The following GAS7 variants were observed in gnomAD, a reference collection of about 807,000 sequenced individuals.
GAS7 encodes the protein growth arrest-specific protein 7.
In GAS7, 28 loss-of-function variants were observed where a neutral mutation model predicts 71.1. The ratio of observed to expected loss-of-function variants is 0.39; its 90% confidence interval spans 0.29 to 0.54. The LOEUF (loss-of-function observed/expected upper bound fraction) is 0.54. Ranked by LOEUF, GAS7 falls within the 20% of genes least tolerant of loss-of-function variation. The pLI is 0.62. For synonymous variants in GAS7, 258 were observed against 245.8 expected (o/e 1.05, Z -0.46); for missense variants, 436 against 627.8 (o/e 0.69, Z 3.27).
At chr17:10,042,553 CCTGACTCCTAAAATTCGGAAG>C (rs2072888372) in intron 1 of GAS7, among the ~76,000 whole-genome samples, 2 of 152,070 alleles carry the variant, frequency 1.3e-5, no homozygotes, top group Admixed American at 6.5e-5. Flanking sequence ...GTATGTAGGA[CCTGACTCCTAAAATTCGGAAG>C]CTAAGTCGCA....
intron 1 of GAS7, among the ~76,000 whole-genome samples, chr17:10,163,670 T>C (rs2074272495): frequency 6.6e-6 from 1 of 152,106 alleles, no homozygotes; most frequent in Admixed American, 6.5e-5. Context: ...ATACTTTGAG[T>C]GCTGACAAGC....
At chr17:10,160,240 T>TC (rs1205344044) in intron 1 of GAS7, among the ~76,000 whole-genome samples, 1 of 152,086 alleles carries the variant, frequency 6.6e-6, no homozygotes, top group African/African-American at 2.4e-5. Flanking sequence ...AGGTTACACT[T>TC]CAACTTAAAA....
rs1464536650 is a variant in GAS7 at position 9,915,364 on chromosome 17, T to A, written c.*1864A>T. 4 of 231,086 alleles carry A rather than the reference T, an allele frequency of 1.7e-5. No individual in the cohort carries two copies. The East Asian group carries it at 2.5e-4, about 14-fold the overall frequency. 14.3% of individuals were successfully genotyped at this position (231,086 alleles called of 1,614,324 possible). On this transcript the variant is annotated 3_prime_UTR_variant, in exon 14 of 14. Coordinates refer to ENST00000432992, the MANE Select transcript of GAS7 (RefSeq NM_201433.2). ...AATTACCACTAGCACCCATTTTTCA[T>A]AAAGAAACCAAGAAATAATATTCTA...
At chr17:10,039,407 G>A (rs528881261) in intron 1 of GAS7, among the ~76,000 whole-genome samples, 1 of 152,206 alleles carries the variant, frequency 6.6e-6, no homozygotes, top group East Asian at 1.9e-4. Context: ...TGGGACCAGG[G>A]ACGGTGGCTC....
At chr17:10,134,172 A>G (rs373035936) in intron 1 of GAS7, among the ~76,000 whole-genome samples, 3 of 152,084 alleles carry the variant, frequency 2.0e-5, no homozygotes, top group African/African-American at 4.8e-5. Context: ...CTGGGACTAC[A>G]GGCACCATCC....
At chr17:9,945,000 A>G (rs1040048810) in intron 6 of GAS7, among the ~76,000 whole-genome samples, 1 of 152,138 alleles carries the variant, frequency 6.6e-6, no homozygotes, top group Admixed American at 6.6e-5. Context: ...CAGAGTCCCC[A>G]GAGAGCTCGA....
chr17:10,135,291 G>A (rs1022838316), intron 1 of GAS7, among the ~76,000 whole-genome samples: 1 of 152,166 alleles, frequency 6.6e-6, no homozygotes, highest in African/African-American at 2.4e-5. Context: ...GCAGTGGTGG[G>A]TGTGTGTTTT....
In GAS7 at chr17:9,954,557, G is replaced by C. The variant is rs1038148991; in HGVS notation, c.525+4645C>G. On this transcript the variant is annotated intron_variant, in intron 5 of 13. Coordinates refer to ENST00000432992, the MANE Select transcript of GAS7 (RefSeq NM_201433.2). ...TAGAAGAAGCCTGGGATACTCTACA[G>C]GTAGCCCTTGACAGCACCATGAAGT... 3.9e-5 allele frequency among the ~76,000 whole-genome samples: 6 copies of C among 152,116 alleles called. 1 individual carries two copies. Among genetic ancestry groups the C allele is most frequent in the Non-Finnish European group, 7.4e-5 (5 of 68,022 alleles).
chr17:10,020,543 C>T (rs1001135899), intron 1 of GAS7, among the ~76,000 whole-genome samples: 3 of 151,830 alleles, frequency 2.0e-5, no homozygotes, highest in South Asian at 2.1e-4. Context: ...AATTACTTTT[C>T]GTTAAAAAAC....
intron 1 of GAS7, among the ~76,000 whole-genome samples, chr17:10,067,509 G>A (rs1472291653): frequency 1.3e-5 from 2 of 152,080 alleles, no homozygotes; most frequent in East Asian, 3.9e-4. Context: ...CAAAGTGCTG[G>A]GATTACAAGT....
chr17:9,993,347 G>A (rs1197536581), intron 2 of GAS7, among the ~76,000 whole-genome samples: 1 of 152,152 alleles, frequency 6.6e-6, no homozygotes, highest in Non-Finnish European at 1.5e-5. Context: ...GCATTTCTCT[G>A]ATGGCCAGTG....
intron 8 of GAS7, among the ~76,000 whole-genome samples, chr17:9,938,931 C>T (rs1484100777): frequency 6.6e-6 from 1 of 152,218 alleles, no homozygotes. Context: ...GGCTCATCCA[C>T]ACAGTAGCAT....
intron 7 of GAS7, among the ~76,000 whole-genome samples, chr17:9,940,730 G>A (rs892408658): frequency 3.3e-5 from 5 of 152,208 alleles, no homozygotes; most frequent in South Asian, 2.1e-4. Flanking sequence ...CGGAAACCTA[G>A]CAGTGCCCAG....
intron 1 of GAS7, among the ~76,000 whole-genome samples, chr17:10,084,223 A>G (rs577526807): frequency 9.2e-5 from 14 of 152,266 alleles, no homozygotes; most frequent in African/African-American, 3.4e-4. Flanking sequence ...TCAATGGCCT[A>G]TATTGGTGGG....
chr17:10,084,335 C>G (rs565141575), intron 1 of GAS7, among the ~76,000 whole-genome samples: 13 of 152,190 alleles, frequency 8.5e-5, no homozygotes, highest in African/African-American at 3.1e-4. Context: ...CATAGTGGTC[C>G]TATTAGAAGT....
intron 2 of GAS7, among the ~76,000 whole-genome samples, chr17:10,006,817 A>T (rs1256929030): frequency 6.6e-5 from 10 of 152,224 alleles, no homozygotes; most frequent in Non-Finnish European, 1.0e-4. Context: ...TACACAAGTC[A>T]GCCACGCTGA....
intron 1 of GAS7, among the ~76,000 whole-genome samples, chr17:10,105,312 C>A (rs1187459358): frequency 6.6e-6 from 1 of 152,076 alleles, no homozygotes; most frequent in Non-Finnish European, 1.5e-5. Flanking sequence ...CAAACACCGG[C>A]CCCTCCTCTG....
At chr17:9,924,065 A>G (rs530091194) in intron 11 of GAS7, among the ~76,000 whole-genome samples, 1 of 152,386 alleles carries the variant, frequency 6.6e-6, no homozygotes, top group East Asian at 1.9e-4. Context: ...ATAAATTTAA[A>G]TATTTAAAAA....
intron 2 of GAS7, among the ~76,000 whole-genome samples, chr17:10,005,131 ATG>A (rs1215637208): frequency 4.0e-4 from 42 of 104,556 alleles, no homozygotes; most frequent in Admixed American, 1.7e-3. Context: ...GCATACCAGC[ATG>A]TGTGCGCGCA....
Sources: gnomAD v4.1 joint callset for allele counts (sites outside exome capture counted in the v4.1 genomes callset) on GRCh38, gnomAD v4.1.1 for gene constraint, MANE v1.5 for transcripts, NCBI Gene and HGNC (gene_info 2026-07-23, HGNC 2026-07-21) for gene names.